Variants in MAP3K3 observed in about 807,000 individuals in gnomAD.
The protein encoded by MAP3K3 is MAP/ERK kinase kinase 3.
In MAP3K3, 12 loss-of-function variants were observed where a neutral mutation model predicts 80.9. The ratio of observed to expected loss-of-function variants is 0.15; its 90% CI spans 0.10 to 0.24. The LOEUF is 0.24. Among genes scored for constraint, MAP3K3 ranks in the 10% least tolerant of loss-of-function variants. MAP3K3 has a pLI of 1.00. For synonymous variants in MAP3K3, 272 were observed against 307.1 expected (o/e 0.89, Z 1.19); for missense variants, 596 against 834.7 (o/e 0.71, Z 3.52).
rs532359502 is a variant in MAP3K3 at position 63,652,562 on chromosome 17, T to C, written c.173T>C (p.Ile58Thr). 14 of 1,612,106 alleles carry C rather than the reference T, an allele frequency of 8.7e-6. No individual in the cohort carries two copies. The highest frequency in any genetic ancestry group is 4.5e-5 in the East Asian group (2 of 44,872). The change falls in exon 4 of 16, where the codon ATA (isoleucine) becomes ACA (threonine). Residue 58 changes from isoleucine (I) to threonine (T), a missense_variant. Physicochemically the swap from Ile to Thr is moderately conservative, Grantham distance 89. Coordinates refer to ENST00000361733, the MANE Select transcript of MAP3K3 (RefSeq NM_002401.5). ...KFEHNGERRI[I>T]AFSRPVKYED... The stretch of plus-strand genomic sequence containing the variant: ...TTCTTTCTGTTTCTTTTCAGAATTA[T>C]AGCGTTCAGCCGGCCTGTGAAATAT...
At chr17:63,685,473 A>T in intron 7 of MAP3K3, 44 bp from the exon 8 acceptor site, 1 of 1,490,040 alleles carries the variant, frequency 6.7e-7, no homozygotes, top group Non-Finnish European at 9.4e-7. Flanking sequence ...ACTGGGGGGA[A>T]TTGGGGCTGG....
chr17:63,638,765 G>A (rs894286914), intron 2 of MAP3K3, among the ~76,000 whole-genome samples: 6 of 152,188 alleles, frequency 3.9e-5, no homozygotes, highest in Non-Finnish European at 7.3e-5. Context: ...AATGTATGTC[G>A]GTCAGGAGTG....
rs115779427 is a variant in MAP3K3, at chr17:63,654,366, A to G, written c.267+1710A>G. On this transcript the variant is annotated intron_variant, in intron 4 of 15. Coordinates refer to ENST00000361733, the MANE Select transcript of MAP3K3 (RefSeq NM_002401.5). ...TTCTTTGACTAAGCGTATGTTTTCA[A>G]CGGTCATCTGTGCATGTTGTCAGTA... 2.3e-3 allele frequency among the ~76,000 whole-genome samples: 314 copies of G among 138,880 alleles called. 4 individuals carry two copies. The highest frequency in any genetic ancestry group is 8.1e-3 in the African/African-American group (290 of 36,008). 91.1% of individuals were successfully genotyped at this position (138,880 alleles called of 152,430 possible).
intron 7 of MAP3K3, among the ~76,000 whole-genome samples, chr17:63,683,597 C>A (rs1382309921): frequency 6.6e-6 from 1 of 152,148 alleles, no homozygotes; most frequent in African/African-American, 2.4e-5. Flanking sequence ...TTGGGGATTG[C>A]CAAGGTCCTC....
chr17:63,654,852 A>G (rs1015119295), intron 4 of MAP3K3, among the ~76,000 whole-genome samples: 6 of 152,210 alleles, frequency 3.9e-5, no homozygotes, highest in Non-Finnish European at 8.8e-5. Flanking sequence ...CCTGGCCAAC[A>G]TGGTGAAACG....
chr17:63,648,717 A>G (rs1385237571), intron 3 of MAP3K3, among the ~76,000 whole-genome samples: 1 of 152,156 alleles, frequency 6.6e-6, no homozygotes, highest in African/African-American at 2.4e-5. Flanking sequence ...CGGGAGGCTA[A>G]GGCAGGAGAA....
chr17:63,678,701 T>C lies in MAP3K3; in HGVS notation c.503-3065T>C, dbSNP rs375719334. Among the ~76,000 whole-genome samples the C allele has an allele frequency of 9.8e-5, 15 of 152,358 alleles. 1 individual carries two copies. In the East Asian group the frequency reaches 2.7e-3, roughly 27 times the overall value. On this transcript the variant is annotated intron_variant, in intron 6 of 15. Transcript: ENST00000361733. ...ATTCAGCACAACCACATGAACCATA[T>C]GTTCTGAACAACTGACTTAATATAG... is the stretch of plus-strand genomic sequence containing the variant.
intron 5 of MAP3K3, among the ~76,000 whole-genome samples, chr17:63,663,635 C>T (rs2034940231): frequency 6.6e-6 from 1 of 152,088 alleles, no homozygotes; most frequent in African/African-American, 2.4e-5. Context: ...TTTGGATGAA[C>T]TCCTTGAATA....
intron 6 of MAP3K3, among the ~76,000 whole-genome samples, chr17:63,672,621 G>A (rs1262995580): frequency 2.0e-5 from 3 of 152,274 alleles, no homozygotes; most frequent in African/African-American, 7.2e-5. Context: ...CCTAAGCAGA[G>A]ACTATAGAAT....
chr17:63,691,872 G>A lies in MAP3K3; in HGVS notation c.1474+10G>A, dbSNP rs1448171732. ...CACCGGGACATTAAGGGTGAGCAGG[G>A]CCAGGATACATGGAGTCCCCAGGAC... On this transcript the variant is annotated intron_variant, in intron 14 of 15. Transcript: ENST00000361733. This position sits in a 1 kb window ranked among gnomAD's most constrained non-coding sequence, Gnocchi z 4.8. The A allele has an allele frequency of 6.2e-7, 1 of 1,613,040 alleles. No individual in the cohort carries two copies. Among genetic ancestry groups the A allele is most frequent in the Non-Finnish European group, 8.5e-7 (1 of 1,179,320 alleles).
At chr17:63,670,350 A>G (rs2143483530) in intron 6 of MAP3K3, among the ~76,000 whole-genome samples, 1 of 152,176 alleles carries the variant, frequency 6.6e-6, no homozygotes, top group African/African-American at 2.4e-5. Context: ...GGTGAGGCCG[A>G]GGTGAGTGGA....
intron 8 of MAP3K3, among the ~76,000 whole-genome samples, chr17:63,686,153 C>T (rs146935347): frequency 1.4e-4 from 22 of 152,274 alleles, no homozygotes; most frequent in Non-Finnish European, 2.9e-4. Flanking sequence ...ATTGATCTTG[C>T]CACTCCCTCG....
intron 2 of MAP3K3, among the ~76,000 whole-genome samples, chr17:63,642,489 C>T (rs1450379601): frequency 6.6e-6 from 1 of 151,928 alleles, no homozygotes; most frequent in Non-Finnish European, 1.5e-5. Flanking sequence ...GAAACCTTGT[C>T]TCTACTAAAA....
At chr17:63,673,512 C>G (rs1421637882) in intron 6 of MAP3K3, among the ~76,000 whole-genome samples, 3 of 152,206 alleles carry the variant, frequency 2.0e-5, no homozygotes, top group Non-Finnish European at 4.4e-5. Context: ...GACATCCTCT[C>G]TCATACCTTG....
At chr17:63,661,777 T>C (rs769639874) in intron 5 of MAP3K3, among the ~76,000 whole-genome samples, 16 of 152,192 alleles carry the variant, frequency 1.1e-4, no homozygotes, top group African/African-American at 3.9e-4. Flanking sequence ...ACAAACCTGA[T>C]TGGGCAGAAT....
intron 1 of MAP3K3, among the ~76,000 whole-genome samples, chr17:63,625,756 A>T (rs1318368093): frequency 6.6e-6 from 1 of 152,208 alleles, no homozygotes; most frequent in Non-Finnish European, 1.5e-5. Context: ...TGATATTTTT[A>T]AAAATGACAG....
At chr17:63,690,036 A>C (rs868315567) in intron 11 of MAP3K3, 6 of 596,530 alleles carry the variant, frequency 1.0e-5, no homozygotes, top group Non-Finnish European at 1.8e-5. Context: ...AATGCAGAAG[A>C]GCATTTAACC....
chr17:63,631,373 C>T (rs991290382), intron 1 of MAP3K3, among the ~76,000 whole-genome samples: 2 of 152,122 alleles, frequency 1.3e-5, no homozygotes, highest in Non-Finnish European at 2.9e-5. Context: ...TCGTTTCTTT[C>T]CACAGGGTAT....
intron 2 of MAP3K3, among the ~76,000 whole-genome samples, chr17:63,633,961 C>G (rs1003454994): frequency 1.3e-5 from 2 of 152,248 alleles, no homozygotes; most frequent in African/African-American, 4.8e-5. Flanking sequence ...CTAGATAGAG[C>G]CTTCCAGAGT....
Sources: gnomAD v4.1 joint callset for allele counts (sites outside exome capture counted in the v4.1 genomes callset) on GRCh38, gnomAD v4.1.1 for gene constraint, Gnocchi (gnomAD v3.1) non-coding constraint, MANE v1.5 for transcripts, NCBI Gene and HGNC (gene_info 2026-07-23, HGNC 2026-07-21) for gene names.